ALAS2: variants seen among roughly 807,000 people sequenced by gnomAD.
ALAS2 encodes the protein 5-aminolevulinate synthase, erythroid-specific, mitochondrial.
A neutral mutation model predicts 33.7 loss-of-function variants in ALAS2; 3 were observed. That is an observed-to-expected ratio of 0.09 (90% CI 0.04 to 0.23). The LOEUF (loss-of-function observed/expected upper bound fraction) is 0.23. ALAS2 is among the 10% of genes least tolerant of loss of function. The pLI is 1.00. For synonymous variants in ALAS2, 191 were observed against 177.3 expected (o/e 1.08, Z -0.61); for missense variants, 304 against 475.1 (o/e 0.64, Z 3.35).
At chrX:55,017,804 T>C (rs977071607) in intron 6 of ALAS2, 139 bp from the exon 7 acceptor site, 3 of 636,146 alleles carry the variant, frequency 4.7e-6, no homozygotes, top group African/African-American at 4.4e-5. Context: ...CTCTGGGAAC[T>C]TTTGTGACAC....
intron 10 of ALAS2, among the ~76,000 whole-genome samples, chrX:55,012,613 C>A (rs938314648): frequency 9.0e-6 from 1 of 111,547 alleles, no homozygotes; most frequent in Non-Finnish European, 1.9e-5. Flanking sequence ...ATGGTGAAAC[C>A]CCATCTCTAC....
chrX:55,017,153 A>G (rs943918090), intron 7 of ALAS2, among the ~76,000 whole-genome samples: 6 of 112,101 alleles, frequency 5.4e-5, no homozygotes, highest in Admixed American at 9.5e-5. Context: ...GATGAATTGG[A>G]TGCCAACTCT....
intron 10 of ALAS2, among the ~76,000 whole-genome samples, chrX:55,011,665 A>G (rs185357082): frequency 1.3e-3 from 148 of 112,166 alleles, no homozygotes; most frequent in African/African-American, 4.7e-3. Flanking sequence ...TGGATTGGCT[A>G]TGGAACTTAG....
chrX:55,027,444 T>C (rs965173500), intron 1 of ALAS2, among the ~76,000 whole-genome samples: 28 of 107,979 alleles, frequency 2.6e-4, no homozygotes, highest in African/African-American at 7.8e-4. Flanking sequence ...GGGTGAGAGC[T>C]GAGAGACACC....
At chrX:55,017,794 C>T in intron 6 of ALAS2, 129 bp from the exon 7 acceptor site, 1 of 705,035 alleles carries the variant, frequency 1.4e-6, no homozygotes, top group Non-Finnish European at 2.2e-6. Context: ...CTTCTTCCTT[C>T]TCTGGGAACT....
chrX:55,014,800 T>G lies in ALAS2; in HGVS notation c.1384A>C (p.Met462Leu), dbSNP rs762608248. 3 of 1,200,821 alleles carry G rather than the reference T, an allele frequency of 2.5e-6. No homozygotes were observed. Among genetic ancestry groups the G allele is most frequent in the Non-Finnish European group, 3.4e-6 (3 of 889,181 alleles). The change falls in exon 9 of 11, where the codon ATG becomes CTG. Residue 462 changes from methionine to leucine, a missense_variant. By Grantham distance (15) the Met-to-Leu change is conservative. Around this residue, in one of 3 missense-constraint regions of ALAS2, gnomAD observed 95 missense variants for 127.0 expected, o/e 0.75. Transcript: ENST00000650242. ...RNVKHMRQLL[M>L]DRGLPVIPCP... Reference sequence around the variant, plus strand: ...GGGATGACAGGAAGGCCCCTGTCCATGAGTAGCTGGCGCATGTGCTTGACA... The same window carrying G: ...GGGATGACAGGAAGGCCCCTGTCCAGGAGTAGCTGGCGCATGTGCTTGACA...
chrX:55,025,732 A>T, intron 2 of ALAS2, 88 bp downstream of exon 2: 1 of 974,077 alleles, frequency 1.0e-6, no homozygotes, highest in Non-Finnish European at 1.5e-6. Flanking sequence ...GAACCGTCCT[A>T]ATTATTAGGC....
chrX:55,023,884 G>A lies in ALAS2; in HGVS notation c.305-17C>T, dbSNP rs749834953. On this transcript the variant is annotated splice_polypyrimidine_tract_variant and intron_variant, in intron 3 of 10. Coordinates refer to ENST00000650242, the MANE Select transcript of ALAS2 (RefSeq NM_000032.5). The stretch of plus-strand genomic sequence containing the variant: ...TAGGCAGATCTGAGACGGAATGTGA[G>A]ATTCATTGGCCGTGAAGAGAATGGG... 1 of 1,151,589 alleles carries A rather than the reference G, an allele frequency of 8.7e-7. No individual in the cohort carries two copies. The highest frequency in any genetic ancestry group is 1.8e-5 in the African/African-American group (1 of 56,121). 94.9% of individuals were successfully genotyped at this position (1,151,589 alleles called of 1,213,427 possible).
chrX:55,025,497 C>T (rs1935876841), intron 2 of ALAS2, among the ~76,000 whole-genome samples: 2 of 110,697 alleles, frequency 1.8e-5, no homozygotes, highest in Admixed American at 1.9e-4. Context: ...CCACTCCTGG[C>T]TAATTTTTTT....
chrX:55,023,662 A>C, intron 4 of ALAS2, 95 bp downstream of exon 4: 1 of 740,865 alleles, frequency 1.3e-6, no homozygotes, highest in Non-Finnish European at 2.1e-6. Flanking sequence ...TTTGGTTCCA[A>C]GGCCCTTCTG....
At chrX:55,009,364 G>T in intron 10 of ALAS2, 21 bp from the exon 11 acceptor site, 1 of 1,182,489 alleles carries the variant, frequency 8.5e-7, no homozygotes, top group Non-Finnish European at 1.1e-6. Context: ...TAGGGGGAGG[G>T]GAGGGAAAAA....
At chrX:55,018,636 T>A (rs752102551) in intron 6 of ALAS2, among the ~76,000 whole-genome samples, 32 of 111,097 alleles carry the variant, frequency 2.9e-4, no homozygotes, top group Non-Finnish European at 5.1e-4. Flanking sequence ...CTGAATGAAA[T>A]AGTGAGAGGA....
At chrX:55,011,041 G>T (rs1407001336) in intron 10 of ALAS2, among the ~76,000 whole-genome samples, 1 of 111,339 alleles carries the variant, frequency 9.0e-6, no homozygotes, top group African/African-American at 3.3e-5. Context: ...AAGTCCCAGA[G>T]GTAAGAGAGC....
chrX:55,030,621 A>C (rs1281774493), intron 1 of ALAS2, among the ~76,000 whole-genome samples: 1 of 111,884 alleles, frequency 8.9e-6, no homozygotes. Context: ...GGGGGAGAGA[A>C]AGAAATTTAG....
intron 4 of ALAS2, among the ~76,000 whole-genome samples, chrX:55,021,546 C>T (rs1935807547): frequency 8.9e-6 from 1 of 112,080 alleles, no homozygotes; most frequent in Non-Finnish European, 1.9e-5. Flanking sequence ...GTTGGTGTGG[C>T]AGCCTCCTTA....
chrX:55,019,780 T>G (rs1935768466), intron 6 of ALAS2, among the ~76,000 whole-genome samples: 1 of 111,345 alleles, frequency 9.0e-6, no homozygotes, highest in Non-Finnish European at 1.9e-5. Flanking sequence ...AGTGTACAAG[T>G]GAAGGGATTG....
intron 7 of ALAS2, among the ~76,000 whole-genome samples, chrX:55,015,960 T>TGA (rs1935693943): frequency 8.1e-5 from 1 of 12,340 alleles, no homozygotes; most frequent in Non-Finnish European, 1.5e-4. Flanking sequence ...TCTGTCTCTC[T>TGA]GTGTGTGTGT....
In ALAS2 at chrX:55,009,357, G is replaced by T. The variant is rs1265616282; in HGVS notation, c.1601-14C>A. On this transcript the variant is annotated splice_polypyrimidine_tract_variant and intron_variant, in intron 10 of 10. Transcript: ENST00000650242. ...GCAGCAGCTTCTCTGAAGGTGGTAG[G>T]GGGAGGGGAGGGAAAAAATGGGTTA... The T allele has an allele frequency of 2.5e-6, 3 of 1,188,764 alleles. No individual in the cohort carries two copies. The highest frequency in any genetic ancestry group is 2.3e-6 in the Non-Finnish European group (2 of 883,160).
At chrX:55,029,860 C>A (rs145640046) in intron 1 of ALAS2, among the ~76,000 whole-genome samples, 1 of 111,247 alleles carries the variant, frequency 9.0e-6, no homozygotes, top group Non-Finnish European at 1.9e-5. Flanking sequence ...TGTGTCAGCA[C>A]CCAATCTGTA....
Sources: gnomAD v4.1 joint callset for allele counts (sites outside exome capture counted in the v4.1 genomes callset) on GRCh38, gnomAD v4.1.1 for gene constraint, gnomAD v4.1.1 regional missense constraint, MANE v1.5 for transcripts, NCBI Gene and HGNC (gene_info 2026-07-23, HGNC 2026-07-21) for gene names.